KIF15: variants seen among roughly 807,000 people sequenced by gnomAD.
KIF15 encodes the protein kinesin-like protein KIF15.
KIF15 carries 140 observed loss-of-function variants against 190.6 expected under a neutral mutation model. The ratio of observed to expected loss-of-function variants is 0.73; its 90% CI spans 0.64 to 0.84. The LOEUF is 0.84. KIF15 is among the 40% of genes least tolerant of loss of function. The pLI, the probability that KIF15 is intolerant of heterozygous loss-of-function variation, is 0.00. For missense variants in KIF15, 1,372 were observed against 1,584.4 expected, an observed-to-expected ratio of 0.87 and a Z score of 2.28; for synonymous variants, 528 against 551.3, an observed-to-expected ratio of 0.96 and a Z score of 0.59.
At chr3:44,771,434 T>A (rs1218113579) in intron 1 of KIF15, among the ~76,000 whole-genome samples, 4 of 152,198 alleles carry the variant, frequency 2.6e-5, no homozygotes, top group Non-Finnish European at 2.9e-5. Context: ...AACATTATTT[T>A]GGCAATCCCA....
At chr3:44,840,655 ATTTTTT>A (rs60621752) in intron 28 of KIF15, among the ~76,000 whole-genome samples, 199 bp downstream of exon 28, 3 of 67,024 alleles carry the variant, frequency 4.5e-5, no homozygotes, top group Non-Finnish European at 5.6e-5. Flanking sequence ...TAAGCAGCGG[ATTTTTT>A]TTTTTTTTTT....
At chr3:44,861,243 G>C (rs571863614) in intron 6 of KIF15, among the ~76,000 whole-genome samples, 15 of 152,282 alleles carry the variant, frequency 9.9e-5, no homozygotes, top group African/African-American at 3.6e-4. Flanking sequence ...CACCCGCCTC[G>C]GCCTCCCAAA....
downstream of KIF15, among the ~76,000 whole-genome samples, chr3:44,855,386 A>T (rs982893434): frequency 6.6e-6 from 1 of 152,106 alleles, no homozygotes; most frequent in Non-Finnish European, 1.5e-5. Flanking sequence ...GGCTATTTTC[A>T]CTTCTTTTGT....
intron 7 of KIF15, among the ~76,000 whole-genome samples, chr3:44,787,052 T>A (rs1003468642): frequency 6.6e-6 from 1 of 152,202 alleles, no homozygotes; most frequent in Admixed American, 6.5e-5. Context: ...GATTTGAAAG[T>A]TTTTTATTAT....
At chr3:44,769,636 ACTTCTGTTAC>A (rs1705561599) in intron 1 of KIF15, among the ~76,000 whole-genome samples, 1 of 151,800 alleles carries the variant, frequency 6.6e-6, no homozygotes, top group East Asian at 1.9e-4. Context: ...GTGCTTTTTA[ACTTCTGTTAC>A]CGTCTGCTTC....
At chr3:44,776,538 G>A (rs1038612497) in intron 3 of KIF15, among the ~76,000 whole-genome samples, 4 of 152,126 alleles carry the variant, frequency 2.6e-5, no homozygotes, top group Admixed American at 6.5e-5. Context: ...ATATACACTA[G>A]TCATATTAAA....
At chr3:44,814,444 G>A (rs1707936847) in intron 19 of KIF15, among the ~76,000 whole-genome samples, 1 of 152,070 alleles carries the variant, frequency 6.6e-6, no homozygotes, top group South Asian at 2.1e-4. Flanking sequence ...TGAGTAGATG[G>A]GACCACAGGT....
chr3:44,823,483 G>A (rs1477108252), intron 20 of KIF15, among the ~76,000 whole-genome samples: 2 of 152,204 alleles, frequency 1.3e-5, no homozygotes, highest in Admixed American at 6.5e-5. Flanking sequence ...CCCACTTGAG[G>A]AGGCAGTCTG....
chr3:44,838,522 C>T, intron 27 of KIF15, 101 bp downstream of exon 27: 4 of 1,171,494 alleles, frequency 3.4e-6, no homozygotes, highest in Non-Finnish European at 4.7e-6. Context: ...GGGGGTGGAC[C>T]ACTTGAAGTC....
chr3:44,830,076 G>A lies in KIF15; in HGVS notation c.3048+1G>A, dbSNP rs868464765. On this transcript the variant is annotated splice_donor_variant, in intron 25 of 34. Coordinates refer to ENST00000326047, the MANE Select transcript of KIF15 (RefSeq NM_020242.3). LOFTEE classifies it high-confidence loss of function. ...GAAACAAGAACTGAAGGACATAAAT[G>A]TAAGTTCGGTCACCAACAAGATGTT... 1.3e-6 allele frequency: 2 copies of A among 1,537,034 alleles called. No individual in the cohort carries two copies. The highest frequency in any genetic ancestry group is 1.7e-4 in the Middle Eastern group (1 of 5,798).
At chr3:44,815,524 G>C (rs539566971) in intron 20 of KIF15, among the ~76,000 whole-genome samples, 32 of 152,266 alleles carry the variant, frequency 2.1e-4, no homozygotes, top group Middle Eastern at 3.4e-3. Context: ...GTTTGAGATG[G>C]CACTGGCCTG....
At chr3:44,767,286 A>G (rs1410244038) in intron 1 of KIF15, among the ~76,000 whole-genome samples, 1 of 152,150 alleles carries the variant, frequency 6.6e-6, no homozygotes, top group Non-Finnish European at 1.5e-5. Flanking sequence ...TTGTAATAAC[A>G]CAATAAAGAG....
chr3:44,770,224 T>C (rs1234017349), intron 1 of KIF15, among the ~76,000 whole-genome samples: 1 of 152,230 alleles, frequency 6.6e-6, no homozygotes, highest in East Asian at 1.9e-4. Flanking sequence ...CAAACCATGA[T>C]AGGACTGAGT....
At chr3:44,769,468 T>C (rs916376113) in intron 1 of KIF15, among the ~76,000 whole-genome samples, 3 of 152,214 alleles carry the variant, frequency 2.0e-5, no homozygotes, top group Non-Finnish European at 4.4e-5. Context: ...CTTTCCCCCA[T>C]GTTAACAGGG....
chr3:44,813,485 T>C (rs1332996754), intron 19 of KIF15, among the ~76,000 whole-genome samples: 1 of 152,166 alleles, frequency 6.6e-6, no homozygotes, highest in Non-Finnish European at 1.5e-5. Flanking sequence ...TGGCATGATC[T>C]TGGCTCACTG....
Position 44,794,262 on chromosome 3 carries a change from A to G in KIF15, c.685A>G (p.Met229Val), listed in dbSNP as rs746830048. Reference sequence around the variant, plus strand: ...GAATAGACGTGTGGCATCAACATCAATGAACAGAGAATCGTCTAGGTCTCA... The same window carrying G: ...GAATAGACGTGTGGCATCAACATCAGTGAACAGAGAATCGTCTAGGTCTCA... The part of the protein sequence containing the change: ...WRNRRVASTS[M>V]NRESSRSHAV... Residue 229 changes from methionine (M) to valine (V), a missense_variant, in exon 8 of 35, where the codon ATG becomes GTG. Coordinates refer to ENST00000326047, the MANE Select transcript of KIF15 (RefSeq NM_020242.3). The G allele has an allele frequency of 3.7e-6, 6 of 1,613,990 alleles. No homozygotes were observed. The highest frequency in any genetic ancestry group is 1.3e-5 in the African/African-American group (1 of 74,940).
chr3:44,802,446 T>A (rs532473735), intron 13 of KIF15, among the ~76,000 whole-genome samples: 1 of 152,324 alleles, frequency 6.6e-6, no homozygotes. Flanking sequence ...TCCTGTACAC[T>A]TTTTTGCACT....
At chr3:44,838,173 C>T (rs1698416733) in intron 26 of KIF15, 102 bp from the exon 27 acceptor site, 5 of 1,247,968 alleles carry the variant, frequency 4.0e-6, no homozygotes, top group Non-Finnish European at 5.5e-6. Context: ...TAGGTTTTTA[C>T]ATAAAACTTC....
At chr3:44,774,990 C>T (rs1705806863) in intron 2 of KIF15, among the ~76,000 whole-genome samples, 1 of 152,020 alleles carries the variant, frequency 6.6e-6, no homozygotes, top group South Asian at 2.1e-4. Context: ...ATCCCAGCTA[C>T]TTGGGAGGCT....
Sources: allele counts gnomAD v4.1 joint callset (sites outside exome capture counted in the v4.1 genomes callset), GRCh38; gene constraint gnomAD v4.1.1; transcripts MANE v1.5; gene names NCBI Gene and HGNC (gene_info 2026-07-23, HGNC 2026-07-21).